MAML3: variants seen among roughly 807,000 people sequenced by gnomAD.
MAML3 encodes the protein mastermind-like protein 3.
Under a neutral mutation model 101.9 loss-of-function variants are expected in MAML3, and 27 were observed. The observed-to-expected ratio is 0.27, with a 90% CI of 0.20 to 0.37. MAML3 has a LOEUF of 0.37. Among genes scored for constraint, MAML3 ranks in the 10% least tolerant of loss-of-function variants. MAML3 has a pLI of 1.00. For synonymous variants in MAML3, 501 were observed against 555.9 expected (o/e 0.90, Z 1.39); for missense variants, 1,316 against 1,444.9 (o/e 0.91, Z 1.45).
At chr4:140,060,546 G>A (rs1727430490) in intron 1 of MAML3, among the ~76,000 whole-genome samples, 2 of 151,888 alleles carry the variant, frequency 1.3e-5, no homozygotes, top group African/African-American at 2.4e-5. Flanking sequence ...AACAGGGCAT[G>A]TCTAGTCACA....
chr4:139,855,341 G>A lies in MAML3; in HGVS notation c.2079+34016C>T, dbSNP rs79790866. ...ATTTCATGCAAAGAGATGAAACAAC[G>A]TCAGAATAAAAAGTTTATCAATGTA... On this transcript the variant is annotated intron_variant, in intron 2 of 4. Transcript: ENST00000509479. 8.1e-3 allele frequency among the ~76,000 whole-genome samples: 1,240 copies of A among 152,296 alleles called. 20 individuals carry two copies. Among genetic ancestry groups the A allele is most frequent in the African/African-American group, 0.026 (1,082 of 41,550 alleles).
At chr4:140,080,690 G>A (rs951181536) in intron 1 of MAML3, among the ~76,000 whole-genome samples, 1 of 143,638 alleles carries the variant, frequency 7.0e-6, no homozygotes, top group African/African-American at 2.4e-5. Flanking sequence ...CCCGTTGTTC[G>A]GTTTCCACTC....
intron 2 of MAML3, among the ~76,000 whole-genome samples, chr4:139,809,869 C>G: frequency 6.9e-6 from 1 of 145,244 alleles, no homozygotes; most frequent in Non-Finnish European, 1.5e-5. Flanking sequence ...TGCACGTACA[C>G]ACACACACAC....
chr4:139,830,816 C>T (rs962289374), intron 2 of MAML3, among the ~76,000 whole-genome samples: 5 of 152,036 alleles, frequency 3.3e-5, no homozygotes, highest in Non-Finnish European at 4.4e-5. Flanking sequence ...GAACAATCAC[C>T]GGCCTCTTAC....
intron 1 of MAML3, among the ~76,000 whole-genome samples, chr4:139,991,881 A>G (rs1382058372): frequency 6.6e-6 from 1 of 152,048 alleles, no homozygotes; most frequent in East Asian, 1.9e-4. Flanking sequence ...TATTTTAAGT[A>G]TATAATTAAA....
At chr4:139,738,423 G>C (rs182929035) in intron 2 of MAML3, among the ~76,000 whole-genome samples, 8 of 152,256 alleles carry the variant, frequency 5.3e-5, no homozygotes, top group African/African-American at 1.9e-4. Context: ...TGTGCCTGTA[G>C]TCCCAGTTAC....
rs114323823 is a variant in MAML3, at chr4:139,897,850, C to G, written c.469-6883G>C. On this transcript the variant is annotated intron_variant, in intron 1 of 4. Transcript: ENST00000509479. Reference sequence around the variant, plus strand: ...AACTCTCCAGGCTTAGCCATTACCTCTCATCTTCCCCGACTTACCCCGCAA... The same window carrying G: ...AACTCTCCAGGCTTAGCCATTACCTGTCATCTTCCCCGACTTACCCCGCAA... Among the ~76,000 whole-genome samples, 686 of 152,338 alleles carry G rather than the reference C, an allele frequency of 4.5e-3. 10 individuals are homozygous for G. Among genetic ancestry groups the G allele is most frequent in the African/African-American group, 0.016 (653 of 41,568 alleles).
At chr4:139,779,007 A>G (rs1357745941) in intron 2 of MAML3, among the ~76,000 whole-genome samples, 2 of 151,854 alleles carry the variant, frequency 1.3e-5, no homozygotes, top group Admixed American at 6.6e-5. Context: ...AAAGAAAAAG[A>G]AAATGCTGTG....
chr4:139,985,369 G>A (rs562551510), intron 1 of MAML3, among the ~76,000 whole-genome samples: 2 of 152,348 alleles, frequency 1.3e-5, no homozygotes, highest in South Asian at 4.1e-4. Context: ...TCTGGAGGAG[G>A]AATGCTCAAA....
intron 1 of MAML3, among the ~76,000 whole-genome samples, chr4:140,006,677 C>A (rs1206700461): frequency 6.6e-6 from 1 of 151,552 alleles, no homozygotes; most frequent in Non-Finnish European, 1.5e-5. Flanking sequence ...CATATTTTCT[C>A]ATTCAACTGA....
chr4:140,135,495 A>G (rs1728868208), intron 1 of MAML3, among the ~76,000 whole-genome samples: 1 of 152,258 alleles, frequency 6.6e-6, no homozygotes, highest in Non-Finnish European at 1.5e-5. Flanking sequence ...TCCAATTTAT[A>G]TTTGTTGAAC....
intron 1 of MAML3, among the ~76,000 whole-genome samples, chr4:139,953,162 T>C (rs1288934545): frequency 1.3e-5 from 2 of 152,228 alleles, no homozygotes; most frequent in Non-Finnish European, 2.9e-5. Context: ...TCTATATGCT[T>C]GAGACGTCTC....
intron 1 of MAML3, among the ~76,000 whole-genome samples, chr4:140,031,296 G>A (rs912656477): frequency 2.0e-5 from 3 of 152,132 alleles, no homozygotes; most frequent in South Asian, 2.1e-4. Flanking sequence ...TCATCAGAAC[G>A]TTGGACCTTC....
chr4:139,864,379 G>C (rs924626301), intron 2 of MAML3, among the ~76,000 whole-genome samples: 1 of 152,130 alleles, frequency 6.6e-6, no homozygotes, highest in Admixed American at 6.6e-5. Context: ...CACTTGTGAT[G>C]AATAAAAATC....
Position 140,151,939 on chromosome 4 carries a change from C to A in MAML3, c.468+921G>T, listed in dbSNP as rs1259849946. Among the ~76,000 whole-genome samples the A allele has an allele frequency of 2.6e-5, 4 of 152,290 alleles. No homozygotes were observed. In the East Asian group the frequency reaches 5.8e-4, roughly 22 times the overall value. ...ATTGCTCTGGGCTTATTAAGCAGGC[C>A]CCCAAAGTTGGCGGGCAGCGGGGCA... is the stretch of plus-strand genomic sequence containing the variant. On this transcript the variant is annotated intron_variant, in intron 1 of 4. Transcript: ENST00000509479.
chr4:139,892,768 A>C (rs1299352919), intron 1 of MAML3, among the ~76,000 whole-genome samples: 1 of 151,994 alleles, frequency 6.6e-6, no homozygotes, highest in Non-Finnish European at 1.5e-5. Flanking sequence ...TGCTTAAAAA[A>C]AAAATTCAAA....
At chr4:140,083,280 C>T (rs564808514) in intron 1 of MAML3, among the ~76,000 whole-genome samples, 16 of 152,288 alleles carry the variant, frequency 1.1e-4, no homozygotes, top group Non-Finnish European at 2.2e-4. Flanking sequence ...TCTTTCCCCA[C>T]ATTGCCCACT....
chr4:139,979,048 C>T (rs1243162989), intron 1 of MAML3, among the ~76,000 whole-genome samples: 1 of 152,156 alleles, frequency 6.6e-6, no homozygotes, highest in Non-Finnish European at 1.5e-5. Flanking sequence ...ATCATAATAT[C>T]AGCCACTACT....
At chr4:139,912,083 G>A (rs1005064562) in intron 1 of MAML3, among the ~76,000 whole-genome samples, 6 of 152,180 alleles carry the variant, frequency 3.9e-5, no homozygotes, top group Non-Finnish European at 8.8e-5. Context: ...CAGAATATTG[G>A]ATCTTATGGT....
Sources: allele counts gnomAD v4.1 joint callset (sites outside exome capture counted in the v4.1 genomes callset), GRCh38; gene constraint gnomAD v4.1.1; transcripts MANE v1.5; gene names NCBI Gene and HGNC (gene_info 2026-07-23, HGNC 2026-07-21).